The following ADAM8 variants were observed in gnomAD, a reference collection of about 807,000 sequenced individuals.
The protein encoded by ADAM8 is disintegrin and metalloproteinase domain-containing protein 8.
ADAM8 carries 104 observed loss-of-function variants against 102.4 expected under a neutral mutation model. That is an observed-to-expected ratio of 1.02 (90% CI 0.87 to 1.20). The LOEUF is 1.20. ADAM8 is among the 50% of genes most tolerant of loss of function. ADAM8 has a pLI of 0.00. For synonymous variants in ADAM8, 517 were observed against 485.2 expected (o/e 1.07, Z -0.86); for missense variants, 1,132 against 1,159.0 (o/e 0.98, Z 0.34).
rs773638323 is a variant in ADAM8 at position 133,272,205 on chromosome 10, C to T, written c.945G>A (p.Gly315=). 2.3e-4 allele frequency: 360 copies of T among 1,549,844 alleles called. No homozygotes were observed. Among genetic ancestry groups the T allele is most frequent in the Non-Finnish European group, 3.0e-4 (341 of 1,146,758 alleles). The change falls in exon 10 of 23, where the codon GGG becomes GGA. Residue 315 remains glycine (G), a synonymous_variant. Transcript: ENST00000445355. ...GGAGCCCCCTCACCTGGTTCACAGCCCCTGAGCTGTGGGAGCACATGGCGG... is the reference window on the plus strand; with the variant it reads ...GGAGCCCCCTCACCTGGTTCACAGCTCCTGAGCTGTGGGAGCACATGGCGG... ...RVSAMCSHSS[G]AVNQDHSKNP...
chr10:133,270,617 G>C (rs1336401369), intron 15 of ADAM8, 107 bp from the exon 16 acceptor site: 1 of 1,535,284 alleles, frequency 6.5e-7, no homozygotes, highest in Non-Finnish European at 8.8e-7. Context: ...GCTTGAGCCT[G>C]GGGTCCATGG....
intron 2 of ADAM8, chr10:133,274,979 G>C (rs1487676312): frequency 8.4e-6 from 3 of 355,192 alleles, no homozygotes; most frequent in African/African-American, 6.5e-5. Flanking sequence ...GCTGGGGCCG[G>C]AACTGCCCTC....
Position 133,271,588 on chromosome 10 carries a change from G to A in ADAM8, c.1224C>T (p.Gly408=), listed in dbSNP as rs1846528151. ...CCACAAACAGGTTCCCACACACGGG[G>A]CCGCCCACCAGGTGGCTGAGGTCAG... ...NAPDLSHLVG[G]PVCGNLFVER... is the part of the protein sequence containing the mutation. Residue 408 remains glycine, a synonymous_variant, in exon 12 of 23, where the codon GGC becomes GGT. Coordinates refer to ENST00000445355, the MANE Select transcript of ADAM8 (RefSeq NM_001109.5). 2 of 1,558,154 alleles carry A rather than the reference G, an allele frequency of 1.3e-6. No individual in the cohort carries two copies. Among genetic ancestry groups the A allele is most frequent in the African/African-American group, 1.4e-5 (1 of 73,904 alleles).
Position 133,273,752 on chromosome 10 carries a change from C to T in ADAM8, c.383+10G>A, listed in dbSNP as rs573102961. The T allele has an allele frequency of 3.8e-5, 59 of 1,547,772 alleles. No individual in the cohort carries two copies. The African/African-American group carries it at 7.8e-4, about 20-fold the overall frequency. On this transcript the variant is annotated intron_variant, in intron 5 of 22. Coordinates refer to ENST00000445355, the MANE Select transcript of ADAM8 (RefSeq NM_001109.5). ...CTGCGGGAGCCCTGGCGTTCGTCCG[C>T]CACACCCACCTGAGGCCGGCACAGG...
chr10:133,275,529 C>G lies in ADAM8; in HGVS notation c.105G>C (p.Trp35Cys). 2.6e-6 allele frequency: 4 copies of G among 1,527,802 alleles called. No homozygotes were observed. The highest frequency in any genetic ancestry group is 2.8e-5 in the African/African-American group (2 of 71,318). 94.6% of individuals were successfully genotyped at this position (1,527,802 alleles called of 1,614,324 possible). ...GGCGGACTCGGGGGCCTGGCAGACG[C>G]CACGGCAACACGACCTCATACTGCT... ...LMEQYEVVLP[W>C]RLPGPRVRRA... Residue 35 changes from tryptophan to cysteine, a missense_variant, in exon 2 of 23, where the codon TGG becomes TGC. Physicochemically the swap from Trp to Cys is radical, Grantham distance 215. Transcript: ENST00000445355.
At chr10:133,265,551 G>A (rs1178248855) in intron 21 of ADAM8, among the ~76,000 whole-genome samples, 3 of 152,120 alleles carry the variant, frequency 2.0e-5, no homozygotes, top group African/African-American at 4.8e-5. Context: ...CAGCACTTTG[G>A]GAGGCCAAGG....
Position 133,273,774 on chromosome 10 carries a change from C to G in ADAM8, c.371G>C (p.Cys124Ser), listed in dbSNP as rs370068083. Reference sequence around the variant, plus strand: ...CCGCCACACCCACCTGAGGCCGGCACAGGTGCTGAGGCTGGCGGCTGAGTC... The same window carrying G: ...CCGCCACACCCACCTGAGGCCGGCAGAGGTGCTGAGGCTGGCGGCTGAGTC... ...YPDSAASLST[C>S]AGLRGFFQVG... is the part of the protein sequence containing the mutation. The change falls in exon 5 of 23, where the codon TGT (cysteine) becomes TCT (serine). Residue 124 changes from cysteine to serine, a missense_variant. By Grantham distance (112) the Cys-to-Ser change is moderately radical. Coordinates refer to ENST00000445355, the MANE Select transcript of ADAM8 (RefSeq NM_001109.5). The G allele has an allele frequency of 1.6e-5, 25 of 1,548,812 alleles. No individual in the cohort carries two copies. The African/African-American group carries it at 3.4e-4, about 21-fold the overall frequency.
chr10:133,270,678 G>A, intron 15 of ADAM8, 58 bp downstream of exon 15: 1 of 1,571,182 alleles, frequency 6.4e-7, no homozygotes, highest in Non-Finnish European at 8.7e-7. Flanking sequence ...GGCCCTTCTG[G>A]GGCTGACCCC....
intron 18 of ADAM8, chr10:133,269,100 C>T: frequency 1.0e-6 from 1 of 985,460 alleles, no homozygotes; most frequent in Non-Finnish European, 1.2e-6. Flanking sequence ...AGGCCTGATG[C>T]TCTGGACGAC....
intron 21 of ADAM8, among the ~76,000 whole-genome samples, chr10:133,266,913 C>T (rs1846339047): frequency 6.6e-6 from 1 of 152,178 alleles, no homozygotes; most frequent in African/African-American, 2.4e-5. Context: ...CCTCAGCATG[C>T]CAGGGCTCCA....
At chr10:133,274,107 C>G (rs1846653443) in intron 3 of ADAM8, 52 bp downstream of exon 3, 1 of 1,586,872 alleles carries the variant, frequency 6.3e-7, no homozygotes, top group African/African-American at 1.3e-5. Context: ...CCGGGGACAC[C>G]AGTGTGCTGG....
chr10:133,269,289 G>A lies in ADAM8; in HGVS notation c.1948+156C>T, dbSNP rs571333477. ...CCCTCCTCACATCAGCCTGGGGACA[G>A]ACAGGCTCTGCCTATACCTGTGTGT... On this transcript the variant is annotated intron_variant, in intron 18 of 22. Transcript: ENST00000445355. 1.9e-5 allele frequency: 16 copies of A among 834,224 alleles called. No homozygotes were observed. In the South Asian group the frequency reaches 6.0e-4, roughly 31 times the overall value. 51.7% of individuals were successfully genotyped at this position (834,224 alleles called of 1,614,324 possible).
chr10:133,270,196 C>T (rs1280518243), intron 16 of ADAM8, among the ~76,000 whole-genome samples, 164 bp downstream of exon 16: 3 of 152,228 alleles, frequency 2.0e-5, no homozygotes, highest in Middle Eastern at 3.2e-3. Context: ...AGAACCATGT[C>T]TCTCCCCACC....
chr10:133,267,511 G>GT lies in ADAM8; in HGVS notation c.2254-95dup, dbSNP rs1393640814. 4 of 1,300,118 alleles carry GT rather than the reference G, an allele frequency of 3.1e-6. No homozygotes were observed. In the East Asian group the frequency reaches 9.7e-5, roughly 32 times the overall value. The allele number at this position is 1,300,118 out of a possible 1,614,324, so 80.5% of individuals were successfully genotyped here. A position where few individuals can be genotyped will look rare whatever the true frequency, so the allele number is the denominator to read the frequency against. ...CCAGGATCCGAGGTTCCTGCCTCTT[G>GT]TGTGTGCTGGAGGCGTCTGCGCGGC... On this transcript the variant is annotated intron_variant, in intron 20 of 22. Coordinates refer to ENST00000445355, the MANE Select transcript of ADAM8 (RefSeq NM_001109.5).
rs758762047 is a variant in ADAM8, at chr10:133,268,845, C to T, written c.1966G>A (p.Val656Ile). ...AGCACCAGAACCACCACCACGAAGA[C>T]GGGGAGGCTCCCGGACGCTGTGGGA... ...EVHAASGSLPVFVVVVLVLLA... is the reference protein window; with the variant it reads ...EVHAASGSLPIFVVVVLVLLA... The change falls in exon 19 of 23, where the codon GTC (valine) becomes ATC (isoleucine). Residue 656 changes from valine (V) to isoleucine (I), a missense_variant. Transcript: ENST00000445355. 3 of 1,607,540 alleles carry T rather than the reference C, an allele frequency of 1.9e-6. No homozygotes were observed. Among genetic ancestry groups the T allele is most frequent in the East Asian group, 4.5e-5 (2 of 44,876 alleles).
At position 133,263,238 on chromosome 10, in the gene ADAM8, G is replaced by A. The variant is rs2136067196; in HGVS notation, c.2398-5C>T. 1.9e-6 allele frequency: 3 copies of A among 1,597,598 alleles called. No individual in the cohort carries two copies. Among genetic ancestry groups the A allele is most frequent in the South Asian group, 1.1e-5 (1 of 89,462 alleles). Reference sequence around the variant, plus strand: ...AACCTTTGGGCCAACAGCACCCTGGGAGGAGGAAAAGATAATTGATGTTGA... The same window carrying A: ...AACCTTTGGGCCAACAGCACCCTGGAAGGAGGAAAAGATAATTGATGTTGA... On this transcript the variant is annotated splice_region_variant and splice_polypyrimidine_tract_variant and intron_variant, in intron 22 of 22. Coordinates refer to ENST00000445355, the MANE Select transcript of ADAM8 (RefSeq NM_001109.5).
rs1036946495 is a variant in ADAM8, at chr10:133,273,743, G to A, written c.383+19C>T. The A allele has an allele frequency of 1.6e-5, 24 of 1,544,952 alleles. No homozygotes were observed. The highest frequency in any genetic ancestry group is 1.2e-4 in the East Asian group (5 of 40,880). On this transcript the variant is annotated intron_variant, in intron 5 of 22. Transcript: ENST00000445355. The stretch of plus-strand genomic sequence containing the variant: ...CCTCTCCACCTGCGGGAGCCCTGGC[G>A]TTCGTCCGCCACACCCACCTGAGGC...
chr10:133,268,948 C>T (rs1205781471), intron 18 of ADAM8, 86 bp from the exon 19 acceptor site: 2 of 1,530,832 alleles, frequency 1.3e-6, no homozygotes, highest in African/African-American at 1.4e-5. Context: ...CGGTCTTTCT[C>T]AGCACCCCCA....
intron 3 of ADAM8, 24 bp from the exon 4 acceptor site, chr10:133,274,053 C>T: frequency 6.3e-7 from 1 of 1,594,812 alleles, no homozygotes; most frequent in Non-Finnish European, 8.5e-7. Context: ...GCTGTGACTG[C>T]CTCGGCCCCC....
Sources: gnomAD v4.1 joint callset for allele counts (sites outside exome capture counted in the v4.1 genomes callset) on GRCh38, gnomAD v4.1.1 for gene constraint, MANE v1.5 for transcripts, NCBI Gene and HGNC (gene_info 2026-07-23, HGNC 2026-07-21) for gene names.